ORC4: variants seen among roughly 807,000 people sequenced by gnomAD.
ORC4 encodes the protein origin recognition complex subunit 4.
ORC4 carries 55 observed loss-of-function variants against 63.9 expected under a neutral mutation model. The ratio of observed to expected loss-of-function variants is 0.86; its 90% confidence interval spans 0.69 to 1.08. The LOEUF (loss-of-function observed/expected upper bound fraction) is 1.08, where lower values mean the gene tolerates loss of function less well. Among genes scored for constraint, ORC4 ranks in the 50% least tolerant of loss-of-function variants. The pLI is 0.00. For synonymous variants in ORC4, 150 were observed against 168.5 expected, an observed-to-expected ratio of 0.89 and a Z score of 0.85; for missense variants, 511 against 504.4, an observed-to-expected ratio of 1.01 and a Z score of -0.13.
rs1558839843 is a variant in ORC4, at chr2:147,955,342, T to A, written c.436+5A>T. The A allele has an allele frequency of 6.3e-7, 1 of 1,586,178 alleles. No homozygotes were observed. Among genetic ancestry groups the A allele is most frequent in the Non-Finnish European group, 8.6e-7 (1 of 1,156,862 alleles). ...TCTGAAACGGCTGAATATGTTAATA[T>A]TTACCTTTTTTTAAAGCTTCCAGAA... On this transcript the variant is annotated splice_donor_5th_base_variant and intron_variant, in intron 7 of 13. Transcript: ENST00000392857.
chr2:147,973,337 T>C lies in ORC4; in HGVS notation c.134+111A>G, dbSNP rs117350658. ...CACAAAGCAAAATTTTTTATTTCTA[T>C]AAAAGTGTTTGTTAGCTTTATTTAA... is the stretch of plus-strand genomic sequence containing the variant. On this transcript the variant is annotated intron_variant, in intron 3 of 13. Coordinates refer to ENST00000392857, the MANE Select transcript of ORC4 (RefSeq NM_181741.4). The C allele has an allele frequency of 1.3e-3, 1,016 of 753,972 alleles. 14 individuals are homozygous for C. The East Asian group carries it at 0.025, about 18-fold the overall frequency. The allele number at this position is 753,972 out of a possible 1,614,324, so 46.7% of individuals were successfully genotyped here.
chr2:147,959,417 A>T (rs1689452465), intron 4 of ORC4, among the ~76,000 whole-genome samples: 1 of 152,034 alleles, frequency 6.6e-6, no homozygotes. Flanking sequence ...AAACCTATTT[A>T]AAGAGTAAAG....
At chr2:147,999,119 TG>T (rs1387978316) in intron 1 of ORC4, among the ~76,000 whole-genome samples, 2 of 152,200 alleles carry the variant, frequency 1.3e-5, no homozygotes, top group African/African-American at 4.8e-5. Context: ...TCTTTTAATT[TG>T]GGCTAGAATT....
chr2:147,939,109 C>T (rs377704878), intron 11 of ORC4, 31 bp downstream of exon 11: 97 of 1,329,346 alleles, frequency 7.3e-5, no homozygotes, highest in Admixed American at 1.8e-4. Flanking sequence ...TTTTAAAAAC[C>T]ACAATTTAAA....
At chr2:147,949,463 C>T (rs13012311) in intron 8 of ORC4, among the ~76,000 whole-genome samples, 50,083 of 151,776 alleles carry the variant, frequency 0.33, 8,519 homozygotes, top group East Asian at 0.52. Flanking sequence ...CTAAAAGGTA[C>T]GTGGCTCTTA....
chr2:148,014,788 T>C (rs1343600099), intron 1 of ORC4, among the ~76,000 whole-genome samples: 2 of 152,152 alleles, frequency 1.3e-5, no homozygotes, highest in Non-Finnish European at 2.9e-5. Flanking sequence ...CTAGAGATTA[T>C]TTAAAATACG....
Position 147,935,547 on chromosome 2 carries a change from A to T in ORC4, c.1274T>A (p.Val425Glu). ...TAGTGAGGATGTTGCCCACTGCCTC[A>T]CATCTGTAGGACAGTTGGGATATTT... ...LQKYPNCPTD[V>E]RQWATSSLSW... Residue 425 changes from valine (V) to glutamate (E), a missense_variant, in exon 14 of 14, where the codon GTG becomes GAG. Coordinates refer to ENST00000392857, the MANE Select transcript of ORC4 (RefSeq NM_181741.4). The T allele has an allele frequency of 6.2e-7, 1 of 1,613,862 alleles. No individual in the cohort carries two copies. The highest frequency in any genetic ancestry group is 8.5e-7 in the Non-Finnish European group (1 of 1,179,814).
In ORC4 at chr2:147,958,807, T is replaced by G. The variant is rs761357920; in HGVS notation, c.285A>C (p.Leu95Phe). The change falls in exon 5 of 14, where the codon TTA becomes TTC. Residue 95 changes from leucine to phenylalanine, a missense_variant. Physicochemically the swap from Leu to Phe is conservative, Grantham distance 22. Transcript: ENST00000392857. Reference protein sequence around the residue: ...MEIEEVSENVLQVHLNGLLQI... With the variant: ...MEIEEVSENVFQVHLNGLLQI... Reference sequence around the variant, plus strand: ...CATACTTACCATTTAAGTGAACTTGTAATACATTTTCACTCACTTCTTCTA... The same window carrying G: ...CATACTTACCATTTAAGTGAACTTGGAATACATTTTCACTCACTTCTTCTA... 6.9e-7 allele frequency: 1 copy of G among 1,459,170 alleles called. No homozygotes were observed. The highest frequency in any genetic ancestry group is 1.4e-5 in the African/African-American group (1 of 71,944). 90.4% of individuals were successfully genotyped at this position (1,459,170 alleles called of 1,614,324 possible). A position where few individuals can be genotyped will look rare whatever the true frequency, so the allele number is the denominator to read the frequency against.
chr2:147,938,063 G>C (rs888884862), intron 13 of ORC4, 83 bp downstream of exon 13: 1 of 885,598 alleles, frequency 1.1e-6, no homozygotes, highest in African/African-American at 1.7e-5. Context: ...GTTTAAAAAT[G>C]AAAGTGCAAT....
intron 4 of ORC4, among the ~76,000 whole-genome samples, chr2:147,971,458 T>A (rs1353348660): frequency 1.3e-5 from 2 of 151,738 alleles, no homozygotes; most frequent in African/African-American, 4.8e-5. Context: ...AAAATGGGCA[T>A]AAGACACCTC....
chr2:147,950,541 T>C (rs57573316), intron 8 of ORC4, among the ~76,000 whole-genome samples: 12,488 of 150,854 alleles, frequency 0.083, 1,274 homozygotes, highest in African/African-American at 0.24. Flanking sequence ...CCAAGGGGGG[T>C]AGATCACGAG....
intron 1 of ORC4, among the ~76,000 whole-genome samples, chr2:148,013,392 T>C (rs1438829493): frequency 1.3e-5 from 2 of 151,958 alleles, no homozygotes. Context: ...ATAGAGATAG[T>C]GAGTAAAAAG....
Position 147,958,880 on chromosome 2 carries a change from G to T in ORC4, c.226-14C>A. On this transcript the variant is annotated splice_polypyrimidine_tract_variant and intron_variant, in intron 4 of 13. Coordinates refer to ENST00000392857, the MANE Select transcript of ORC4 (RefSeq NM_181741.4). ...ATGATTTATTAACTAAATATGAAAA[G>T]TTTATGAAATAATAATAGGTAAAAG... The T allele has an allele frequency of 9.5e-7, 1 of 1,051,090 alleles. No individual in the cohort carries two copies. Among genetic ancestry groups the T allele is most frequent in the Admixed American group, 1.7e-5 (1 of 57,694 alleles). The allele number at this position is 1,051,090 out of a possible 1,614,324, so 65.1% of individuals were successfully genotyped here.
At chr2:148,010,750 T>C (rs189546749) in intron 1 of ORC4, among the ~76,000 whole-genome samples, 101 of 152,054 alleles carry the variant, frequency 6.6e-4, no homozygotes, top group African/African-American at 2.1e-3. Context: ...CACTGAGTTC[T>C]ACCAAACATT....
intron 1 of ORC4, among the ~76,000 whole-genome samples, chr2:147,994,558 TACG>T (rs1375307886): frequency 2.0e-5 from 3 of 152,174 alleles, no homozygotes; most frequent in African/African-American, 7.2e-5. Context: ...GCTGGTCTTT[TACG>T]AATAAGCAAA....
chr2:147,963,503 C>T (rs1011009006), intron 4 of ORC4, among the ~76,000 whole-genome samples: 1 of 152,140 alleles, frequency 6.6e-6, no homozygotes, highest in Non-Finnish European at 1.5e-5. Flanking sequence ...TCAGCAGATA[C>T]GGCCCTAAGC....
chr2:147,985,337 C>G (rs1691138247), intron 1 of ORC4, among the ~76,000 whole-genome samples: 1 of 152,160 alleles, frequency 6.6e-6, no homozygotes, highest in Admixed American at 6.5e-5. Context: ...GCTGGGACTA[C>G]AGGCGCCTGC....
intron 8 of ORC4, among the ~76,000 whole-genome samples, chr2:147,950,529 G>A (rs540617466): frequency 3.9e-5 from 6 of 152,260 alleles, no homozygotes; most frequent in African/African-American, 1.4e-4. Context: ...CACTTTGGGA[G>A]GCCAAGGGGG....
intron 1 of ORC4, among the ~76,000 whole-genome samples, chr2:147,981,766 T>A (rs1690905331): frequency 6.6e-6 from 1 of 152,142 alleles, no homozygotes; most frequent in Non-Finnish European, 1.5e-5. Flanking sequence ...ATTTGAATGA[T>A]TTGAACCCAA....
Sources: gnomAD v4.1 joint callset for allele counts (sites outside exome capture counted in the v4.1 genomes callset) on GRCh38, gnomAD v4.1.1 for gene constraint, MANE v1.5 for transcripts, NCBI Gene and HGNC (gene_info 2026-07-23, HGNC 2026-07-21) for gene names.